The following FAH variants were observed in gnomAD, a reference collection of about 807,000 sequenced individuals.
FAH encodes the protein fumarylacetoacetate hydrolase.
FAH carries 47 observed loss-of-function variants against 55.8 expected under a neutral mutation model. The ratio of observed to expected loss-of-function variants is 0.84; its 90% CI spans 0.67 to 1.07. The LOEUF is 1.07. FAH is among the 50% of genes least tolerant of loss of function. The pLI is 0.00. For synonymous variants in FAH, 199 were observed against 207.7 expected (o/e 0.96, Z 0.36); for missense variants, 495 against 545.9 (o/e 0.91, Z 0.93).
At position 80,186,185 on chromosome 15, in the gene FAH, G is replaced by A. The variant is rs761729916; in HGVS notation, c.1236G>A (p.Val412=). ...GCTTTGGCCAGTGTGCTGGAAAAGT[G>A]CTGCCTGCTCTCCTGCCATCATGAG... ...RIGFGQCAGK[V]LPALLPS The change falls in exon 14 of 14, where the codon GTG becomes GTA. Residue 412 remains valine, a synonymous_variant. Coordinates refer to ENST00000561421, the MANE Select transcript of FAH (RefSeq NM_000137.4). 7 of 1,614,138 alleles carry A rather than the reference G, an allele frequency of 4.3e-6. No homozygotes were observed. The South Asian group carries it at 6.6e-5, about 15-fold the overall frequency.
At chr15:80,176,900 C>T (rs1438614761) in intron 10 of FAH, among the ~76,000 whole-genome samples, 1 of 152,218 alleles carries the variant, frequency 6.6e-6, no homozygotes, top group African/African-American at 2.4e-5. Context: ...CAGACCCAGA[C>T]CTCGCATGGC....
downstream of FAH, chr15:80,186,566 A>G: frequency 2.9e-6 from 1 of 348,516 alleles, no homozygotes; most frequent in Non-Finnish European, 5.5e-6. Flanking sequence ...CCAGAGAAAT[A>G]GAACCAAGGA....
At chr15:80,164,557 C>G (rs955598139) in intron 5 of FAH, among the ~76,000 whole-genome samples, 4 of 152,060 alleles carry the variant, frequency 2.6e-5, no homozygotes, top group African/African-American at 9.7e-5. Flanking sequence ...CGCATGTACA[C>G]ATGCACACAC....
chr15:80,168,248 T>G lies in FAH; in HGVS notation c.554-16T>G. Reference sequence around the variant, plus strand: ...CTCACAGCACCGTTTTTTTTTTTTTTCTGGTGTTATTCCAGCTAAGCCTCC... The same window carrying G: ...CTCACAGCACCGTTTTTTTTTTTTTGCTGGTGTTATTCCAGCTAAGCCTCC... On this transcript the variant is annotated splice_polypyrimidine_tract_variant and intron_variant, in intron 6 of 13. Transcript: ENST00000561421. 6.2e-7 allele frequency: 1 copy of G among 1,609,982 alleles called. No homozygotes were observed. The highest frequency in any genetic ancestry group is 1.1e-5 in the South Asian group (1 of 91,028).
intron 12 of FAH, 53 bp downstream of exon 12, chr15:80,180,278 A>G (rs1334945451): frequency 1.0e-5 from 15 of 1,446,952 alleles, no homozygotes; most frequent in Non-Finnish European, 1.3e-5. Context: ...CCTGCTCCCC[A>G]CACAGCCCCA....
chr15:80,170,204 G>A (rs143083957), intron 7 of FAH, among the ~76,000 whole-genome samples: 110 of 152,378 alleles, frequency 7.2e-4, no homozygotes, highest in East Asian at 3.3e-3. Context: ...GTCAGTCTCC[G>A]TGTGGGAAAT....
chr15:80,175,951 A>G (rs1487304213), intron 10 of FAH, among the ~76,000 whole-genome samples: 1 of 151,836 alleles, frequency 6.6e-6, no homozygotes, highest in Admixed American at 6.6e-5. Context: ...CCACACACAG[A>G]CCTCCTAGCC....
chr15:80,154,617 A>G (rs538914734), intron 1 of FAH, among the ~76,000 whole-genome samples: 61 of 152,292 alleles, frequency 4.0e-4, no homozygotes, highest in African/African-American at 1.4e-3. Context: ...GCCAGGCAAG[A>G]CTAGTTGCCA....
intron 2 of FAH, among the ~76,000 whole-genome samples, chr15:80,158,849 G>T (rs985147452): frequency 1.3e-5 from 2 of 152,138 alleles, no homozygotes; most frequent in African/African-American, 4.8e-5. Context: ...TTCCCAAGCT[G>T]CACAGCTAGA....
intron 13 of FAH, among the ~76,000 whole-genome samples, chr15:80,184,017 A>G (rs2041350761): frequency 6.6e-6 from 1 of 152,216 alleles, no homozygotes; most frequent in African/African-American, 2.4e-5. Flanking sequence ...TCAGCAAGAG[A>G]ACAGGTGAAG....
chr15:80,168,744 T>G (rs1264828425), intron 7 of FAH, among the ~76,000 whole-genome samples: 1 of 152,210 alleles, frequency 6.6e-6, no homozygotes, highest in Non-Finnish European at 1.5e-5. Flanking sequence ...CTTTTTTGGC[T>G]GTTTCATTGT....
rs115660514 is a variant in FAH, at chr15:80,170,379, T to A, written c.607-1770T>A. ...GAAGCCCTGGTTGGTGGAGGCAGGC[T>A]GAAAGGCCCGTCTGCTTTTCTGGAG... On this transcript the variant is annotated intron_variant, in intron 7 of 13. Transcript: ENST00000561421. 2.6e-3 allele frequency among the ~76,000 whole-genome samples: 396 copies of A among 152,298 alleles called. 2 individuals carry two copies. The highest frequency in any genetic ancestry group is 9.0e-3 in the African/African-American group (375 of 41,578).
intron 7 of FAH, among the ~76,000 whole-genome samples, chr15:80,169,590 G>T (rs1021849734): frequency 7.2e-5 from 11 of 151,828 alleles, no homozygotes; most frequent in African/African-American, 2.7e-4. Flanking sequence ...CTGGAGTGCA[G>T]TGGCACTATC....
At chr15:80,182,598 G>T (rs1473283473) in intron 13 of FAH, among the ~76,000 whole-genome samples, 4 of 152,196 alleles carry the variant, frequency 2.6e-5, no homozygotes, top group Non-Finnish European at 5.9e-5. Flanking sequence ...CAACCATATT[G>T]CAGGCATGTC....
chr15:80,152,971 G>T (rs1407271673), upstream of FAH: 18 of 1,238,506 alleles, frequency 1.5e-5, no homozygotes, highest in Non-Finnish European at 2.0e-5. Flanking sequence ...GGGGGGCGGG[G>T]CCGGGCCTGA....
Position 80,179,115 on chromosome 15 carries a change from T to A in FAH, c.961-1009T>A, listed in dbSNP as rs2041308765. Among the ~76,000 whole-genome samples the A allele has an allele frequency of 2.0e-5, 3 of 152,228 alleles. No individual in the cohort carries two copies. In the South Asian group the frequency reaches 6.2e-4, roughly 32 times the overall value. ...TCCAAACAGTTTTTTGAAGTGGTTATACCAGTATATACTCCCACTAGCAGC... is the reference window on the plus strand; with the variant it reads ...TCCAAACAGTTTTTTGAAGTGGTTAAACCAGTATATACTCCCACTAGCAGC... On this transcript the variant is annotated intron_variant, in intron 11 of 13. Coordinates refer to ENST00000561421, the MANE Select transcript of FAH (RefSeq NM_000137.4).
At chr15:80,157,477 C>G (rs2041108990) in intron 1 of FAH, 2 of 165,080 alleles carry the variant, frequency 1.2e-5, no homozygotes, top group Admixed American at 1.1e-4. Flanking sequence ...TTTGTTGATG[C>G]TGGGATTTTG....
chr15:80,155,193 C>G (rs1301701328), intron 1 of FAH, among the ~76,000 whole-genome samples: 1 of 152,200 alleles, frequency 6.6e-6, no homozygotes, highest in Non-Finnish European at 1.5e-5. Context: ...TTGGTTATCT[C>G]TCACCACACC....
intron 11 of FAH, among the ~76,000 whole-genome samples, chr15:80,178,851 G>A (rs1310671940): frequency 1.3e-5 from 2 of 152,110 alleles, no homozygotes; most frequent in African/African-American, 4.8e-5. Context: ...GCCTCCCAAA[G>A]TGCTGGGATT....
Sources: gnomAD v4.1 joint callset for allele counts (sites outside exome capture counted in the v4.1 genomes callset) on GRCh38, gnomAD v4.1.1 for gene constraint, MANE v1.5 for transcripts, NCBI Gene and HGNC (gene_info 2026-07-23, HGNC 2026-07-21) for gene names.